DLGAP2: variants seen among roughly 807,000 people sequenced by gnomAD.
DLGAP2 encodes disks large-associated protein 2.
A neutral mutation model predicts 100.3 loss-of-function variants in DLGAP2; 26 were observed. The ratio of observed to expected loss-of-function variants is 0.26; its 90% CI spans 0.19 to 0.36. The LOEUF (loss-of-function observed/expected upper bound fraction) is 0.36, where lower values mean the gene tolerates loss of function less well. Among genes scored for constraint, DLGAP2 ranks in the 10% least tolerant of loss-of-function variants. The pLI, the probability that DLGAP2 is intolerant of heterozygous loss-of-function variation, is 1.00. For synonymous variants in DLGAP2, 886 were observed against 630.1 expected, an observed-to-expected ratio of 1.41 and a Z score of -6.08; for missense variants, 1,858 against 1,453.2, an observed-to-expected ratio of 1.28 and a Z score of -4.53.
chr8:1,533,908 T>G (rs1801069867), intron 4 of DLGAP2, among the ~76,000 whole-genome samples: 1 of 152,134 alleles, frequency 6.6e-6, no homozygotes, highest in African/African-American at 2.4e-5. Context: ...TGAGCTATCA[T>G]CACACCACTG....
At chr8:1,430,056 C>T (rs1797381513) in intron 3 of DLGAP2, among the ~76,000 whole-genome samples, 2 of 69,658 alleles carry the variant, frequency 2.9e-5, no homozygotes, top group Admixed American at 2.0e-4. Flanking sequence ...ACTTAGAATT[C>T]ATTTTTAGTG....
chr8:918,758 A>G (rs1798647562), intron 2 of DLGAP2, among the ~76,000 whole-genome samples: 1 of 152,242 alleles, frequency 6.6e-6, no homozygotes, highest in African/African-American at 2.4e-5. Context: ...TTTTAGACAT[A>G]GAGGCACGTA....
At chr8:1,368,180 G>T (rs1361419601) in intron 3 of DLGAP2, among the ~76,000 whole-genome samples, 2 of 152,096 alleles carry the variant, frequency 1.3e-5, no homozygotes, top group Non-Finnish European at 2.9e-5. Flanking sequence ...ATGTGTGTGT[G>T]TATGTGCACG....
chr8:986,364 G>A (rs1466378415), intron 2 of DLGAP2, among the ~76,000 whole-genome samples: 1 of 152,198 alleles, frequency 6.6e-6, no homozygotes, highest in African/African-American at 2.4e-5. Flanking sequence ...TATATGTGCA[G>A]AACGTGCAGG....
At chr8:1,683,044 G>C (rs149334016) in intron 12 of DLGAP2, among the ~76,000 whole-genome samples, 1 of 151,414 alleles carries the variant, frequency 6.6e-6, no homozygotes, top group Non-Finnish European at 1.5e-5. Flanking sequence ...GCCACTCTCC[G>C]ATAGACAAAA....
chr8:923,514 C>T (rs547478458), intron 2 of DLGAP2, among the ~76,000 whole-genome samples: 54 of 152,222 alleles, frequency 3.5e-4, no homozygotes, highest in Non-Finnish European at 7.2e-4. Flanking sequence ...AATGAAAAAG[C>T]TACAGTTCCT....
intron 3 of DLGAP2, among the ~76,000 whole-genome samples, chr8:1,466,300 C>A (rs993470174): frequency 3.3e-5 from 5 of 152,022 alleles, no homozygotes. Flanking sequence ...GCCAGGCAAC[C>A]TGAGCCAAGC....
chr8:1,339,906 T>C (rs1204124823), intron 3 of DLGAP2, among the ~76,000 whole-genome samples: 1 of 152,326 alleles, frequency 6.6e-6, no homozygotes, highest in African/African-American at 2.4e-5. Flanking sequence ...AGACAAAATA[T>C]GTGTATATTG....
At chr8:768,122 C>T (rs569997571) in intron 1 of DLGAP2, among the ~76,000 whole-genome samples, 2 of 152,192 alleles carry the variant, frequency 1.3e-5, no homozygotes, top group East Asian at 3.9e-4. Context: ...AGATACAGGT[C>T]CCCTCACTCA....
intron 2 of DLGAP2, among the ~76,000 whole-genome samples, chr8:1,252,325 C>T (rs933875133): frequency 9.7e-5 from 14 of 144,276 alleles, no homozygotes; most frequent in African/African-American, 3.4e-4. Context: ...TTGTGTTGTC[C>T]TGGGTCACGG....
chr8:1,416,758 G>A (rs1796896651), intron 3 of DLGAP2, among the ~76,000 whole-genome samples: 1 of 152,206 alleles, frequency 6.6e-6, no homozygotes, highest in African/African-American at 2.4e-5. Flanking sequence ...CGTGTTGGCT[G>A]CTTAAGAGGA....
At chr8:1,489,548 A>G (rs7839346) in intron 3 of DLGAP2, among the ~76,000 whole-genome samples, 102,704 of 151,596 alleles carry the variant, frequency 0.68, 35,641 homozygotes, top group African/African-American at 0.82. Context: ...TGTCTTTTCC[A>G]AAGACTGTTG....
intron 2 of DLGAP2, among the ~76,000 whole-genome samples, chr8:1,087,552 TC>T (rs1308645957): frequency 1.6e-4 from 15 of 95,762 alleles, no homozygotes; most frequent in Non-Finnish European, 4.0e-4. Flanking sequence ...TCTCTCTCTC[TC>T]TTTTTTTTTT....
Position 1,549,656 on chromosome 8 carries a change from C to A in DLGAP2, c.1203C>A (p.Pro401=). The A allele has an allele frequency of 6.4e-7, 1 of 1,564,288 alleles. No individual in the cohort carries two copies. The highest frequency in any genetic ancestry group is 8.7e-7 in the Non-Finnish European group (1 of 1,154,690). The change falls in exon 5 of 15, where the codon CCC becomes CCA. Residue 401 remains proline (P), a synonymous_variant. Coordinates refer to ENST00000637795, the MANE Select transcript of DLGAP2 (RefSeq NM_001346810.2). ...DKPLLHQDAK[P]ALRPCHYLQV... Reference sequence around the variant, plus strand: ...CGCTGCTGCACCAGGACGCCAAGCCCGCCCTGAGGCCGTGCCACTACCTCC... The same window carrying A: ...CGCTGCTGCACCAGGACGCCAAGCCAGCCCTGAGGCCGTGCCACTACCTCC...
chr8:813,497 C>T (rs199679063), intron 1 of DLGAP2, among the ~76,000 whole-genome samples: 1 of 152,146 alleles, frequency 6.6e-6, no homozygotes, highest in East Asian at 1.9e-4. Flanking sequence ...TCTGCTCTTC[C>T]AGGCACCCTT....
chr8:1,440,875 T>A (rs1267077066), intron 3 of DLGAP2, among the ~76,000 whole-genome samples: 1 of 152,210 alleles, frequency 6.6e-6, no homozygotes, highest in African/African-American at 2.4e-5. Flanking sequence ...TTTTAGGACA[T>A]CCTAAACTGC....
At chr8:1,476,490 G>A (rs1161958424) in intron 3 of DLGAP2, among the ~76,000 whole-genome samples, 3 of 152,120 alleles carry the variant, frequency 2.0e-5, no homozygotes, top group East Asian at 3.9e-4. Context: ...ATTTTGAGCT[G>A]AGTCAAACTG....
At chr8:1,149,802 C>G (rs1796667431) in intron 2 of DLGAP2, among the ~76,000 whole-genome samples, 1 of 152,024 alleles carries the variant, frequency 6.6e-6, no homozygotes, top group Non-Finnish European at 1.5e-5. Context: ...ATTTTCCTCT[C>G]TTGACTCGTC....
In DLGAP2 at chr8:1,596,805, A is replaced by G. The variant is rs190336728; in HGVS notation, c.1443-29935A>G. On this transcript the variant is annotated intron_variant, in intron 6 of 14. Transcript: ENST00000637795. Reference sequence around the variant, plus strand: ...TTTGTCAGATAGATAGATTACAAACATTTTCTCCCATTCTGTAGGTTGCCT... The same window carrying G: ...TTTGTCAGATAGATAGATTACAAACGTTTTCTCCCATTCTGTAGGTTGCCT... 2.5e-4 allele frequency among the ~76,000 whole-genome samples: 38 copies of G among 152,072 alleles called. No homozygotes were observed. In the East Asian group the frequency reaches 6.8e-3, roughly 27 times the overall value.
Sources: gnomAD v4.1 joint callset for allele counts (sites outside exome capture counted in the v4.1 genomes callset) on GRCh38, gnomAD v4.1.1 for gene constraint, MANE v1.5 for transcripts, NCBI Gene and HGNC (gene_info 2026-07-23, HGNC 2026-07-21) for gene names.